KCNB2: variants seen among roughly 807,000 people sequenced by gnomAD.
KCNB2 encodes delayed rectifier potassium channel protein.
In KCNB2, 15 loss-of-function variants were observed where a neutral mutation model predicts 61.5. That is an observed-to-expected ratio of 0.24 (90% CI 0.16 to 0.38). The LOEUF is 0.38. Ranked by LOEUF, KCNB2 falls within the 10% of genes least tolerant of loss-of-function variation. The pLI, the probability that KCNB2 is intolerant of heterozygous loss-of-function variation, is 1.00. For missense variants in KCNB2, 828 were observed against 1,125.2 expected (o/e 0.74, Z 3.78); for synonymous variants, 457 against 446.0 (o/e 1.02, Z -0.31).
At chr8:72,904,000 A>G (rs1473080267) in intron 2 of KCNB2, among the ~76,000 whole-genome samples, 5 of 152,210 alleles carry the variant, frequency 3.3e-5, no homozygotes, top group Non-Finnish European at 7.3e-5. Flanking sequence ...CCATTTGAGT[A>G]GTATAAGTAA....
chr8:72,835,849 A>G (rs1047847374), intron 2 of KCNB2, among the ~76,000 whole-genome samples: 1 of 152,166 alleles, frequency 6.6e-6, no homozygotes, highest in African/African-American at 2.4e-5. Context: ...TGCTCATTAC[A>G]TTCAACAGGT....
intron 2 of KCNB2, among the ~76,000 whole-genome samples, chr8:72,593,082 G>T (rs1563532789): frequency 6.6e-6 from 1 of 152,132 alleles, no homozygotes; most frequent in Non-Finnish European, 1.5e-5. Context: ...AAGGAAATTT[G>T]CTTTGATTAC....
chr8:72,770,027 C>G (rs954141908), intron 2 of KCNB2, among the ~76,000 whole-genome samples: 1 of 152,180 alleles, frequency 6.6e-6, no homozygotes, highest in Non-Finnish European at 1.5e-5. Context: ...CACTTCTCAT[C>G]AGAGGCCAAC....
chr8:72,803,523 G>A (rs142614542), intron 2 of KCNB2, among the ~76,000 whole-genome samples: 1 of 152,236 alleles, frequency 6.6e-6, no homozygotes, highest in African/African-American at 2.4e-5. Flanking sequence ...CATACCCATG[G>A]TAACTAAAAT....
At chr8:72,932,395 T>C (rs1585984840) in intron 2 of KCNB2, among the ~76,000 whole-genome samples, 1 of 152,226 alleles carries the variant, frequency 6.6e-6, no homozygotes, top group African/African-American at 2.4e-5. Context: ...TTACCTAATC[T>C]AAATGGGTCC....
At chr8:72,755,399 A>T (rs1808272688) in intron 2 of KCNB2, among the ~76,000 whole-genome samples, 1 of 152,246 alleles carries the variant, frequency 6.6e-6, no homozygotes, top group Admixed American at 6.5e-5. Context: ...TTTATGCAAG[A>T]TGTTAATCAC....
rs869160203 is a variant in KCNB2, at chr8:72,597,001, C to CTTTTTTTTTTTTTTTTTTTTTTTTT, written c.579+28705_579+28729dup. Among the ~76,000 whole-genome samples, 5 of 64,660 alleles carry CTTTTTTTTTTTTTTTTTTTTTTTTT rather than the reference C, an allele frequency of 7.7e-5. 1 individual carries two copies. Among genetic ancestry groups the CTTTTTTTTTTTTTTTTTTTTTTTTT allele is most frequent in the Admixed American group, 1.8e-4 (1 of 5,604 alleles). 42.4% of individuals were successfully genotyped at this position (64,660 alleles called of 152,430 possible). On this transcript the variant is annotated intron_variant, in intron 2 of 2. Coordinates refer to ENST00000523207, the MANE Select transcript of KCNB2 (RefSeq NM_004770.3). ...GCATGCTTGCTTGCTTGCTTGCTTG[C>CTTTTTTTTTTTTTTTTTTTTTTTTT]TTTTTTTTTTTTTTTTTTTTTTTTT...
intron 2 of KCNB2, among the ~76,000 whole-genome samples, chr8:72,899,414 T>C (rs1806047029): frequency 6.6e-6 from 1 of 152,010 alleles, no homozygotes; most frequent in Non-Finnish European, 1.5e-5. Flanking sequence ...ATAAAAGTCA[T>C]CCAAATAGAA....
chr8:72,803,099 C>A (rs947836077), intron 2 of KCNB2, among the ~76,000 whole-genome samples: 1 of 152,146 alleles, frequency 6.6e-6, no homozygotes, highest in Non-Finnish European at 1.5e-5. Context: ...ATGGTCTCGA[C>A]CTGTGGAAAT....
chr8:72,916,781 C>A (rs1806409793), intron 2 of KCNB2, among the ~76,000 whole-genome samples: 1 of 152,140 alleles, frequency 6.6e-6, no homozygotes. Flanking sequence ...GTATTCTTCC[C>A]ATGAAGTTTG....
At chr8:72,632,851 C>T in intron 2 of KCNB2, among the ~76,000 whole-genome samples, 1 of 152,292 alleles carries the variant, frequency 6.6e-6, no homozygotes, top group South Asian at 2.1e-4. Context: ...ATTTGTTAAA[C>T]ATAACTTCCA....
At chr8:72,772,228 G>A (rs913046934) in intron 2 of KCNB2, among the ~76,000 whole-genome samples, 3 of 152,152 alleles carry the variant, frequency 2.0e-5, no homozygotes, top group Non-Finnish European at 4.4e-5. Context: ...ACAGCAGGTC[G>A]TACCCACAGG....
Position 72,937,352 on chromosome 8 carries a change from C to A in KCNB2, c.1997C>A (p.Thr666Lys), listed in dbSNP as rs758297898. 1 of 1,614,044 alleles carries A rather than the reference C, an allele frequency of 6.2e-7. No homozygotes were observed. The change falls in exon 3 of 3, where the codon ACG (threonine) becomes AAG (lysine). Residue 666 changes from threonine (T) to lysine (K), a missense_variant. By Grantham distance (78) the Thr-to-Lys change is moderately conservative. Coordinates refer to ENST00000523207, the MANE Select transcript of KCNB2 (RefSeq NM_004770.3). ...AAAGGACCTGCTGCCAGGGATGGCACGCTGGAGTATGCCCCAGTTGACATA... is the reference window on the plus strand; with the variant it reads ...AAAGGACCTGCTGCCAGGGATGGCAAGCTGGAGTATGCCCCAGTTGACATA... ...REKGPAARDG[T>K]LEYAPVDITV...
intron 2 of KCNB2, among the ~76,000 whole-genome samples, chr8:72,711,960 C>G (rs550267178): frequency 3.9e-5 from 6 of 152,184 alleles, no homozygotes; most frequent in African/African-American, 1.4e-4. Context: ...CCACTGCACT[C>G]TAGCCTGGGC....
intron 2 of KCNB2, among the ~76,000 whole-genome samples, chr8:72,572,385 A>G (rs1192958902): frequency 6.6e-6 from 1 of 152,172 alleles, no homozygotes; most frequent in African/African-American, 2.4e-5. Flanking sequence ...ACACATTTCT[A>G]TTCATCTGAA....
intron 2 of KCNB2, among the ~76,000 whole-genome samples, chr8:72,864,784 G>C (rs1261833486): frequency 6.6e-6 from 1 of 152,226 alleles, no homozygotes. Context: ...TTAGCCATCT[G>C]ATGTTTCTTC....
intron 2 of KCNB2, among the ~76,000 whole-genome samples, chr8:72,781,749 A>C (rs1410941794): frequency 6.6e-6 from 1 of 152,130 alleles, no homozygotes; most frequent in African/African-American, 2.4e-5. Flanking sequence ...TTTGTGATGA[A>C]TGTCAATGGT....
At chr8:72,772,749 A>G (rs1009600730) in intron 2 of KCNB2, among the ~76,000 whole-genome samples, 1 of 152,202 alleles carries the variant, frequency 6.6e-6, no homozygotes, top group Non-Finnish European at 1.5e-5. Context: ...TGATGGTTAC[A>G]AAATACACCG....
chr8:72,686,115 CT>C (rs764433202), intron 2 of KCNB2, among the ~76,000 whole-genome samples: 1 of 152,020 alleles, frequency 6.6e-6, no homozygotes, highest in South Asian at 2.1e-4. Context: ...CCAATCCTTT[CT>C]TTTTTTTGAG....
Sources: allele counts gnomAD v4.1 joint callset (sites outside exome capture counted in the v4.1 genomes callset), GRCh38; gene constraint gnomAD v4.1.1; transcripts MANE v1.5; gene names NCBI Gene and HGNC (gene_info 2026-07-23, HGNC 2026-07-21).